The following AKAP7 variants were observed in gnomAD, a reference collection of about 807,000 sequenced individuals.
AKAP7 encodes A-kinase anchoring protein 7.
AKAP7 carries 39 observed loss-of-function variants against 39.5 expected under a neutral mutation model. That is an observed-to-expected ratio of 0.99 (90% CI 0.76 to 1.29). The LOEUF (loss-of-function observed/expected upper bound fraction) is 1.29. AKAP7 is among the 50% of genes most tolerant of loss of function. The pLI is 0.00. For missense variants in AKAP7, 414 were observed against 407.7 expected (o/e 1.02, Z -0.13); for synonymous variants, 140 against 139.1 (o/e 1.01, Z -0.05).
At chr6:131,251,550 A>C (rs1812448658) in intron 7 of AKAP7, among the ~76,000 whole-genome samples, 1 of 142,172 alleles carries the variant, frequency 7.0e-6, no homozygotes, top group African/African-American at 2.6e-5. Context: ...GTTCTTCAGG[A>C]AACTAGCCAG....
chr6:131,172,405 A>T (rs907461606), intron 5 of AKAP7, among the ~76,000 whole-genome samples: 1 of 152,062 alleles, frequency 6.6e-6, no homozygotes, highest in African/African-American at 2.4e-5. Flanking sequence ...GCTGGAGTGC[A>T]GTGGTGCAAT....
chr6:131,180,526 T>C (rs1390051800), intron 5 of AKAP7, among the ~76,000 whole-genome samples: 2 of 152,238 alleles, frequency 1.3e-5, no homozygotes, highest in African/African-American at 4.8e-5. Context: ...AAGAGTTGCC[T>C]GTATTCTCTG....
chr6:131,171,824 G>C (rs1034292625), intron 5 of AKAP7, among the ~76,000 whole-genome samples: 3 of 152,192 alleles, frequency 2.0e-5, no homozygotes, highest in Non-Finnish European at 4.4e-5. Flanking sequence ...GAGCCAGACT[G>C]TCAAGAGAGT....
chr6:131,169,191 A>C lies in AKAP7; in HGVS notation c.507A>C (p.Gln169His). ...GAAAACATTTGACTTTGCCCTTTCA[A>C]GGGATTGGTACTTTTGGAAATCAGG... is the stretch of plus-strand genomic sequence containing the variant. ...LQGKHLTLPF[Q>H]GIGTFGNQVG... is the part of the protein sequence containing the mutation. The change falls in exon 5 of 8, where the codon CAA (glutamine) becomes CAC (histidine). Residue 169 changes from glutamine to histidine, a missense_variant. Coordinates refer to ENST00000431975, the MANE Select transcript of AKAP7 (RefSeq NM_016377.4). 6.2e-7 allele frequency: 1 copy of C among 1,614,096 alleles called. No homozygotes were observed. The highest frequency in any genetic ancestry group is 1.7e-4 in the Middle Eastern group (1 of 6,060).
chr6:131,145,318 C>A lies in AKAP7; in HGVS notation c.53C>A (p.Ser18Ter). ...GINSNECENV[S>*]RKKKMSEEFE... ...AATTCCAATGAGTGTGAAAATGTATCAAGAAAAAAGAAAATGTCAGAGGAA... is the reference window on the plus strand; with the variant it reads ...AATTCCAATGAGTGTGAAAATGTATAAAGAAAAAAGAAAATGTCAGAGGAA... The change falls in exon 2 of 8, where the codon TCA becomes TAA. Residue 18 changes from serine to a stop codon, truncating the protein, a stop_gained. Transcript: ENST00000431975. LOFTEE classifies it high-confidence loss of function. 6.5e-7 allele frequency: 1 copy of A among 1,545,446 alleles called. No individual in the cohort carries two copies. Among genetic ancestry groups the A allele is most frequent in the Non-Finnish European group, 8.8e-7 (1 of 1,141,016 alleles).
chr6:131,135,528 CGCTGCTGCCGCTGCCGCGGGG>C lies in AKAP7; in HGVS notation c.-230_-210del, dbSNP rs1048281925. Reference sequence around the variant, plus strand: ...CTGCGGCTGCTGCGGCTGCCGCCGCCGCTGCTGCCGCTGCCGCGGGGGCTGCGGCTTGGGAAGCTCCGCGCT... The same window carrying C: ...CTGCGGCTGCTGCGGCTGCCGCCGCCGCTGCGGCTTGGGAAGCTCCGCGCT... On this transcript the variant is annotated 5_prime_UTR_variant, in exon 1 of 8. Transcript: ENST00000431975. 4 of 172,264 alleles carry C rather than the reference CGCTGCTGCCGCTGCCGCGGGG, an allele frequency of 2.3e-5. No homozygotes were observed. The highest frequency in any genetic ancestry group is 4.6e-5 in the Non-Finnish European group (4 of 86,678). 10.7% of individuals were successfully genotyped at this position (172,264 alleles called of 1,614,324 possible). A position where few individuals can be genotyped will look rare whatever the true frequency, so the allele number is the denominator to read the frequency against.
chr6:131,262,107 A>G (rs924778717), intron 7 of AKAP7, among the ~76,000 whole-genome samples: 2 of 152,038 alleles, frequency 1.3e-5, no homozygotes, highest in Admixed American at 6.6e-5. Context: ...CAACTTTGCT[A>G]TTGTCTCTAA....
chr6:131,202,527 G>A (rs1285206837), intron 6 of AKAP7, among the ~76,000 whole-genome samples: 20 of 150,284 alleles, frequency 1.3e-4, no homozygotes, highest in Admixed American at 1.2e-3. Flanking sequence ...ACCAAACACT[G>A]CAGGTTCTCA....
rs752273563 is a variant in AKAP7, at chr6:131,219,645, G to GT, written c.703-10dup. On this transcript the variant is annotated splice_polypyrimidine_tract_variant and intron_variant, in intron 6 of 7. Coordinates refer to ENST00000431975, the MANE Select transcript of AKAP7 (RefSeq NM_016377.4). ...GGTGAAATGATTGATTGATTGATTT[G>GT]TTTTTTCATTTCAAGGGAGTGAAAA... 1.2e-5 allele frequency: 19 copies of GT among 1,582,018 alleles called. No individual in the cohort carries two copies. Among genetic ancestry groups the GT allele is most frequent in the Non-Finnish European group, 1.5e-5 (18 of 1,164,754 alleles).
At chr6:131,207,502 T>TTTTTTTTTTTTTTTTTTTG (rs1808235417) in intron 6 of AKAP7, among the ~76,000 whole-genome samples, 1 of 139,830 alleles carries the variant, frequency 7.2e-6, no homozygotes, top group Non-Finnish European at 1.6e-5. Flanking sequence ...TTTTTTTTTT[T>TTTTTTTTTTTTTTTTTTTG]TTTTTTTTTT....
chr6:131,152,062 C>T (rs953138797), intron 2 of AKAP7, among the ~76,000 whole-genome samples: 8 of 151,874 alleles, frequency 5.3e-5, no homozygotes, highest in South Asian at 2.1e-4. Flanking sequence ...AACAAATACA[C>T]GAATCAGAGA....
chr6:131,272,546 G>A (rs1285511100), intron 7 of AKAP7, among the ~76,000 whole-genome samples: 1 of 151,894 alleles, frequency 6.6e-6, no homozygotes, highest in East Asian at 1.9e-4. Context: ...AATTTGATAT[G>A]TTTTGTTTTA....
rs1172500185 is a variant in AKAP7, at chr6:131,182,366, C to CT, written c.589+13094dup. ...CTACTTTCTGTCTCTATGAATTTGA[C>CT]TGTGTAGCTGCCTCATAGAAGTGAA... On this transcript the variant is annotated intron_variant, in intron 5 of 7. Transcript: ENST00000431975. Among the ~76,000 whole-genome samples the CT allele has an allele frequency of 7.9e-5, 12 of 152,306 alleles. No individual in the cohort carries two copies. In the South Asian group the frequency reaches 1.9e-3, roughly 24 times the overall value.
rs34699635 is a variant in AKAP7 at position 131,243,999 on chromosome 6, C to CTT, written c.850+24203_850+24204dup. ...AGATTAAGTATATTCTTTGCTTTTCCTTTTTTTTTTTTTCCAAATAAGGTT... is the reference window on the plus strand; with the variant it reads ...AGATTAAGTATATTCTTTGCTTTTCCTTTTTTTTTTTTTTTCCAAATAAGGTT... On this transcript the variant is annotated intron_variant, in intron 7 of 7. Transcript: ENST00000431975. 1.2e-3 allele frequency among the ~76,000 whole-genome samples: 171 copies of CTT among 143,260 alleles called. 1 individual carries two copies. Among genetic ancestry groups the CTT allele is most frequent in the East Asian group, 2.6e-3 (13 of 4,926 alleles). 94.0% of individuals were successfully genotyped at this position (143,260 alleles called of 152,430 possible).
At chr6:131,242,472 CT>C (rs1811698377) in intron 7 of AKAP7, among the ~76,000 whole-genome samples, 1 of 150,720 alleles carries the variant, frequency 6.6e-6, no homozygotes, top group Non-Finnish European at 1.5e-5. Context: ...ACTTTTTAGG[CT>C]TTTCCCCCCT....
chr6:131,182,816 C>CT lies in AKAP7; in HGVS notation c.589+13552dup, dbSNP rs76959681. Reference sequence around the variant, plus strand: ...ATTTTCTATTTTTTTGATAATGGCCCTTTTTTTTTAACCCAAATTTTGTAT... The same window carrying CT: ...ATTTTCTATTTTTTTGATAATGGCCCTTTTTTTTTTAACCCAAATTTTGTAT... On this transcript the variant is annotated intron_variant, in intron 5 of 7. Coordinates refer to ENST00000431975, the MANE Select transcript of AKAP7 (RefSeq NM_016377.4). 1.9e-4 allele frequency among the ~76,000 whole-genome samples: 29 copies of CT among 151,006 alleles called. No individual in the cohort carries two copies. The South Asian group carries it at 3.8e-3, about 20-fold the overall frequency.
chr6:131,185,270 G>A (rs1370861750), intron 5 of AKAP7: 7 of 468,322 alleles, frequency 1.5e-5, no homozygotes, highest in Middle Eastern at 3.7e-4. Flanking sequence ...GCTGGGCAGG[G>A]TACGAGTAGT....
chr6:131,244,383 A>G (rs1189101963), intron 7 of AKAP7, among the ~76,000 whole-genome samples: 1 of 152,166 alleles, frequency 6.6e-6, no homozygotes, highest in Non-Finnish European at 1.5e-5. Flanking sequence ...AGCTCATAGT[A>G]TGTGTTCAAT....
chr6:131,221,455 A>G (rs774501200), intron 7 of AKAP7, among the ~76,000 whole-genome samples: 3 of 152,236 alleles, frequency 2.0e-5, no homozygotes, highest in Non-Finnish European at 2.9e-5. Context: ...TATCCAGAAG[A>G]TCTAGCTAAG....
Sources: allele counts gnomAD v4.1 joint callset (sites outside exome capture counted in the v4.1 genomes callset), GRCh38; gene constraint gnomAD v4.1.1; transcripts MANE v1.5; gene names NCBI Gene and HGNC (gene_info 2026-07-23, HGNC 2026-07-21).